The following ST3GAL2 variants were observed in gnomAD, a reference collection of about 807,000 sequenced individuals.
The protein encoded by ST3GAL2 is ST3 beta-galactoside alpha-2,3-sialyltransferase 2.
In ST3GAL2, 16 loss-of-function variants were observed where a neutral mutation model predicts 37.5. That is an observed-to-expected ratio of 0.43 (90% CI 0.29 to 0.65). The LOEUF (loss-of-function observed/expected upper bound fraction) is 0.65. Ranked by LOEUF, ST3GAL2 falls within the 30% of genes least tolerant of loss-of-function variation. ST3GAL2 has a pLI of 0.17. For synonymous variants in ST3GAL2, 238 were observed against 202.9 expected (o/e 1.17, Z -1.47); for missense variants, 383 against 487.8 (o/e 0.79, Z 2.02).
chr16:70,410,470 G>A (rs2047630035), intron 1 of ST3GAL2, among the ~76,000 whole-genome samples: 1 of 151,200 alleles, frequency 6.6e-6, no homozygotes, highest in African/African-American at 2.4e-5. Flanking sequence ...AGCCAGGATG[G>A]TCTTGATCTC....
At chr16:70,393,414 A>G (rs1192846274) in intron 3 of ST3GAL2, among the ~76,000 whole-genome samples, 2 of 152,184 alleles carry the variant, frequency 1.3e-5, no homozygotes, top group Non-Finnish European at 2.9e-5. Flanking sequence ...ACCTGACAGT[A>G]CCGGCCAGAT....
intron 1 of ST3GAL2, among the ~76,000 whole-genome samples, chr16:70,416,920 C>T (rs1304254667): frequency 6.6e-6 from 1 of 152,200 alleles, no homozygotes; most frequent in African/African-American, 2.4e-5. Context: ...TCCTGCAGCT[C>T]ACTCCCCTAA....
chr16:70,435,853 C>T (rs1026910655), intron 1 of ST3GAL2, among the ~76,000 whole-genome samples: 2 of 151,790 alleles, frequency 1.3e-5, no homozygotes, highest in Non-Finnish European at 2.9e-5. Context: ...TCTAGCTGGG[C>T]GGAGTAGCTC....
Position 70,379,362 on chromosome 16 carries a change from G to C in ST3GAL2, c.*2327C>G, listed in dbSNP as rs1382342890. ...TTGGAGCGCAGAGTCCAGGAATGAGGTGCCTCCTGTATAGGTGGGGGAGGG... is the reference window on the plus strand; with the variant it reads ...TTGGAGCGCAGAGTCCAGGAATGAGCTGCCTCCTGTATAGGTGGGGGAGGG... On this transcript the variant is annotated 3_prime_UTR_variant, in exon 7 of 7. Coordinates refer to ENST00000342907, the MANE Select transcript of ST3GAL2 (RefSeq NM_006927.4). 1 of 152,184 alleles carries C rather than the reference G, an allele frequency of 6.6e-6. No individual in the cohort carries two copies. The highest frequency in any genetic ancestry group is 1.5e-5 in the Non-Finnish European group (1 of 68,052). 9.4% of individuals were successfully genotyped at this position (152,184 alleles called of 1,614,324 possible).
At chr16:70,392,896 T>G (rs1194545026) in intron 3 of ST3GAL2, among the ~76,000 whole-genome samples, 3 of 151,884 alleles carry the variant, frequency 2.0e-5, no homozygotes, top group African/African-American at 7.3e-5. Context: ...ACGATCCTCC[T>G]GCCTTAGCCT....
chr16:70,399,620 A>T, intron 1 of ST3GAL2, 87 bp from the exon 2 acceptor site: 1 of 395,630 alleles, frequency 2.5e-6, no homozygotes, highest in Non-Finnish European at 4.4e-6. Flanking sequence ...CCCCAAAGCT[A>T]GCAGGAGAGG....
chr16:70,388,622 G>C, intron 3 of ST3GAL2, 76 bp from the exon 4 acceptor site: 1 of 1,489,566 alleles, frequency 6.7e-7, no homozygotes, highest in East Asian at 2.3e-5. Flanking sequence ...ACAGTTCGAA[G>C]CCATCCATCA....
At chr16:70,412,709 T>C (rs919432097) in intron 1 of ST3GAL2, among the ~76,000 whole-genome samples, 1 of 152,184 alleles carries the variant, frequency 6.6e-6, no homozygotes, top group Non-Finnish European at 1.5e-5. Context: ...TTGATGTTCA[T>C]GCTGTTTTTT....
rs184177923 is a variant in ST3GAL2 at position 70,397,288 on chromosome 16, G to A, written c.339+904C>T. 5.0e-3 allele frequency among the ~76,000 whole-genome samples: 760 copies of A among 150,952 alleles called. 2 individuals carry two copies. Among genetic ancestry groups the A allele is most frequent in the Non-Finnish European group, 8.7e-3 (590 of 67,706 alleles). The stretch of plus-strand genomic sequence containing the variant: ...GAACTCCTGACCTCATGATCCGTCC[G>A]CCCTGTGCTCTCAAAGTGCTGAGAT... On this transcript the variant is annotated intron_variant, in intron 2 of 6. Coordinates refer to ENST00000342907, the MANE Select transcript of ST3GAL2 (RefSeq NM_006927.4).
chr16:70,431,874 G>A (rs929080585), intron 1 of ST3GAL2, among the ~76,000 whole-genome samples: 5 of 151,970 alleles, frequency 3.3e-5, no homozygotes, highest in African/African-American at 1.2e-4. Flanking sequence ...TGAGGCAGGA[G>A]AATGGCATGA....
intron 1 of ST3GAL2, among the ~76,000 whole-genome samples, chr16:70,409,232 G>T (rs2047618565): frequency 6.6e-6 from 1 of 152,186 alleles, no homozygotes; most frequent in Non-Finnish European, 1.5e-5. Flanking sequence ...CAGTCCAGGG[G>T]TTGGAGCCTG....
intron 1 of ST3GAL2, among the ~76,000 whole-genome samples, chr16:70,423,674 ATTT>A (rs60635060): frequency 3.1e-5 from 4 of 127,998 alleles, no homozygotes; most frequent in Non-Finnish European, 1.7e-5. Context: ...TGACTCAATG[ATTT>A]TTTTTTTTTT....
intron 1 of ST3GAL2, among the ~76,000 whole-genome samples, chr16:70,415,222 T>C (rs1473715422): frequency 1.3e-5 from 2 of 152,016 alleles, no homozygotes; most frequent in Non-Finnish European, 2.9e-5. Flanking sequence ...TTGGTCAGGC[T>C]GGTCTCAAAC....
chr16:70,387,529 T>G (rs1468848573), intron 4 of ST3GAL2, among the ~76,000 whole-genome samples: 1 of 151,876 alleles, frequency 6.6e-6, no homozygotes, highest in Non-Finnish European at 1.5e-5. Context: ...CACTCCAACC[T>G]GGGTAAGAGA....
At chr16:70,431,881 A>G (rs4999489) in intron 1 of ST3GAL2, among the ~76,000 whole-genome samples, 5,441 of 151,762 alleles carry the variant, frequency 0.036, 352 homozygotes, top group African/African-American at 0.13. Context: ...GGAGAATGGC[A>G]TGAACCCAGG....
intron 4 of ST3GAL2, among the ~76,000 whole-genome samples, chr16:70,388,093 C>G (rs1279120448): frequency 2.1e-5 from 3 of 145,444 alleles, no homozygotes; most frequent in African/African-American, 5.1e-5. Flanking sequence ...GCCTGGGCAA[C>G]AAGAGCGAAA....
chr16:70,391,286 A>C (rs1014128849), intron 3 of ST3GAL2, among the ~76,000 whole-genome samples: 5 of 152,092 alleles, frequency 3.3e-5, no homozygotes, highest in Non-Finnish European at 1.5e-5. Flanking sequence ...TGTGTTCCTA[A>C]CCACTTCCGT....
At chr16:70,407,083 G>C (rs2047597692) in intron 1 of ST3GAL2, among the ~76,000 whole-genome samples, 1 of 151,852 alleles carries the variant, frequency 6.6e-6, no homozygotes. Context: ...ATGTGAAATA[G>C]TCTTCTAAAA....
intron 2 of ST3GAL2, among the ~76,000 whole-genome samples, chr16:70,395,616 A>G (rs924245499): frequency 6.6e-6 from 1 of 152,222 alleles, no homozygotes; most frequent in Non-Finnish European, 1.5e-5. Context: ...GTGACAGTCC[A>G]GCCACTCCCT....
Sources: allele counts gnomAD v4.1 joint callset (sites outside exome capture counted in the v4.1 genomes callset), GRCh38; gene constraint gnomAD v4.1.1; transcripts MANE v1.5; gene names NCBI Gene and HGNC (gene_info 2026-07-23, HGNC 2026-07-21).